Variants in FAR2 observed in about 807,000 individuals in gnomAD.
FAR2 encodes fatty acyl-CoA reductase 2.
Under a neutral mutation model 56.0 loss-of-function variants are expected in FAR2, and 19 were observed. The ratio of observed to expected loss-of-function variants is 0.34; its 90% CI spans 0.24 to 0.50. The LOEUF (loss-of-function observed/expected upper bound fraction) is 0.50. Among genes scored for constraint, FAR2 ranks in the 20% least tolerant of loss-of-function variants. FAR2 has a pLI of 0.98. For synonymous variants in FAR2, 219 were observed against 218.8 expected (o/e 1.00, Z -0.01); for missense variants, 508 against 642.2 (o/e 0.79, Z 2.26).
chr12:29,302,667 A>G (rs1254705334), intron 4 of FAR2, among the ~76,000 whole-genome samples: 1 of 152,146 alleles, frequency 6.6e-6, no homozygotes, highest in Non-Finnish European at 1.5e-5. Flanking sequence ...GTGCGCATGC[A>G]TTTTTGTGTG....
At chr12:29,265,775 G>T (rs1033554515) in intron 1 of FAR2, among the ~76,000 whole-genome samples, 2 of 152,120 alleles carry the variant, frequency 1.3e-5, no homozygotes, top group Admixed American at 6.6e-5. Context: ...TCTGACAAGG[G>T]ATTAAGAACC....
chr12:29,234,304 TCTC>T (rs1169618169), intron 1 of FAR2, among the ~76,000 whole-genome samples: 2 of 152,080 alleles, frequency 1.3e-5, no homozygotes, highest in African/African-American at 4.8e-5. Flanking sequence ...ACCCGATAGT[TCTC>T]TTTTTTCCCC....
intron 1 of FAR2, among the ~76,000 whole-genome samples, chr12:29,174,160 A>T (rs780369046): frequency 4.6e-5 from 7 of 152,102 alleles, no homozygotes; most frequent in Non-Finnish European, 8.8e-5. Context: ...CCTGAATAGG[A>T]AGGATATCAT....
intron 6 of FAR2, 33 bp from the exon 7 acceptor site, chr12:29,310,994 TG>T (rs748922020): frequency 2.0e-6 from 3 of 1,507,222 alleles, no homozygotes; most frequent in Non-Finnish European, 2.8e-6. Context: ...ATTTAAGACC[TG>T]GTTTAATATT....
At chr12:29,183,723 A>G (rs1487941272) in intron 1 of FAR2, among the ~76,000 whole-genome samples, 1 of 152,216 alleles carries the variant, frequency 6.6e-6, no homozygotes, top group East Asian at 1.9e-4. Flanking sequence ...CGTACTGAAG[A>G]TAAAATGGAG....
In FAR2 at chr12:29,220,129, G is replaced by A. The variant is rs186430372; in HGVS notation, c.-38-50283G>A. 3.1e-3 allele frequency among the ~76,000 whole-genome samples: 471 copies of A among 152,280 alleles called. 2 individuals are homozygous for A. Among genetic ancestry groups the A allele is most frequent in the Non-Finnish European group, 5.7e-3 (389 of 68,014 alleles). ...GAAACAGAGCTGGCACTAGAACCCA[G>A]GGCTTTGCTTTGACGTTCAAGGTGA... is the stretch of plus-strand genomic sequence containing the variant. On this transcript the variant is annotated intron_variant, in intron 1 of 11. Coordinates refer to ENST00000536681, the MANE Select transcript of FAR2 (RefSeq NM_001271783.2).
intron 1 of FAR2, among the ~76,000 whole-genome samples, chr12:29,168,840 G>T (rs550339771): frequency 4.7e-4 from 71 of 152,208 alleles, no homozygotes; most frequent in Non-Finnish European, 9.4e-4. Context: ...GTGGGTTGCT[G>T]CTGCTGGCTG....
chr12:29,322,660 C>T (rs572898942), intron 10 of FAR2, among the ~76,000 whole-genome samples: 93 of 152,228 alleles, frequency 6.1e-4, no homozygotes, highest in African/African-American at 2.1e-3. Context: ...TCATGTATCC[C>T]GTTTTTAACT....
chr12:29,297,892 T>A (rs1165701402), intron 4 of FAR2, among the ~76,000 whole-genome samples: 7 of 152,100 alleles, frequency 4.6e-5, no homozygotes, highest in African/African-American at 1.7e-4. Flanking sequence ...GGCAGGCGCC[T>A]GTAATCCCAG....
At chr12:29,270,665 A>G in intron 2 of FAR2, 27 bp downstream of exon 2, 4 of 1,570,940 alleles carry the variant, frequency 2.5e-6, no homozygotes, top group Non-Finnish European at 3.5e-6. Flanking sequence ...AGCGTGTGTG[A>G]TGGGCAATGC....
At chr12:29,177,769 A>G (rs1949952153) in intron 1 of FAR2, among the ~76,000 whole-genome samples, 1 of 152,182 alleles carries the variant, frequency 6.6e-6, no homozygotes, top group South Asian at 2.1e-4. Flanking sequence ...GATGCGTTCC[A>G]AGATTTTCCT....
intron 1 of FAR2, among the ~76,000 whole-genome samples, chr12:29,242,313 G>A (rs574562202): frequency 6.6e-6 from 1 of 152,244 alleles, no homozygotes; most frequent in South Asian, 2.1e-4. Flanking sequence ...TTATACTAGG[G>A]AGTTTACCCA....
intron 10 of FAR2, among the ~76,000 whole-genome samples, chr12:29,323,156 C>G (rs1429265609): frequency 3.3e-5 from 5 of 152,230 alleles, no homozygotes; most frequent in African/African-American, 9.6e-5. Context: ...ATTGCTAGCA[C>G]AGCAGTCTGA....
intron 1 of FAR2, among the ~76,000 whole-genome samples, chr12:29,260,993 G>T (rs1326047487): frequency 2.0e-5 from 3 of 152,136 alleles, no homozygotes; most frequent in Non-Finnish European, 2.9e-5. Flanking sequence ...ACAACACCTA[G>T]GTCCCTCTGA....
At chr12:29,291,158 GT>G (rs1360389645) in intron 2 of FAR2, among the ~76,000 whole-genome samples, 2 of 151,886 alleles carry the variant, frequency 1.3e-5, no homozygotes, top group Non-Finnish European at 2.9e-5. Context: ...AATAGAAAGA[GT>G]TTCCCTACAA....
At chr12:29,170,245 A>G (rs141337401) in intron 1 of FAR2, among the ~76,000 whole-genome samples, 11 of 152,272 alleles carry the variant, frequency 7.2e-5, no homozygotes, top group African/African-American at 2.6e-4. Context: ...TTTTTCCCTT[A>G]ATCGCCTGGG....
chr12:29,236,631 C>T (rs768391257), intron 1 of FAR2, among the ~76,000 whole-genome samples: 1 of 152,252 alleles, frequency 6.6e-6, no homozygotes, highest in East Asian at 1.9e-4. Context: ...CTCACTATCA[C>T]GAGAACAGCA....
chr12:29,327,374 G>T (rs1425790246), intron 10 of FAR2, among the ~76,000 whole-genome samples: 2 of 152,094 alleles, frequency 1.3e-5, no homozygotes, highest in African/African-American at 4.8e-5. Context: ...AGCTACCAAA[G>T]ACTTTCTTCA....
At chr12:29,193,293 G>T (rs1950117274) in intron 1 of FAR2, among the ~76,000 whole-genome samples, 1 of 152,100 alleles carries the variant, frequency 6.6e-6, no homozygotes, top group Admixed American at 6.5e-5. Context: ...ACTTTTGGTG[G>T]TGTTCTTTCT....
Sources: gnomAD v4.1 joint callset for allele counts (sites outside exome capture counted in the v4.1 genomes callset) on GRCh38, gnomAD v4.1.1 for gene constraint, MANE v1.5 for transcripts, NCBI Gene and HGNC (gene_info 2026-07-23, HGNC 2026-07-21) for gene names.